Variants in GLRB observed in about 807,000 individuals in gnomAD.
GLRB encodes glycine receptor beta.
Under a neutral mutation model 54.2 loss-of-function variants are expected in GLRB, and 33 were observed. The ratio of observed to expected loss-of-function variants is 0.61; its 90% CI spans 0.46 to 0.81. GLRB has a LOEUF of 0.81. Among genes scored for constraint, GLRB ranks in the 40% least tolerant of loss-of-function variants. The probability of loss-of-function intolerance (pLI) is 0.00; values close to 1 mark genes in which losing one functional copy is unlikely to be tolerated. For missense variants in GLRB, 572 were observed against 584.6 expected (o/e 0.98, Z 0.22); for synonymous variants, 209 against 208.2 (o/e 1.00, Z -0.03).
intron 2 of GLRB, among the ~76,000 whole-genome samples, chr4:157,094,438 T>G (rs1273332184): frequency 6.6e-6 from 1 of 152,236 alleles, no homozygotes; most frequent in Non-Finnish European, 1.5e-5. Flanking sequence ...TTTATTTTTC[T>G]GTTTTGCTCT....
chr4:157,144,670 C>G (rs532772103), intron 8 of GLRB, among the ~76,000 whole-genome samples: 16 of 152,202 alleles, frequency 1.1e-4, no homozygotes, highest in Non-Finnish European at 2.1e-4. Flanking sequence ...TACTGTGTGT[C>G]TGTGTGTTTT....
chr4:157,160,735 G>C (rs1286373643), intron 9 of GLRB, among the ~76,000 whole-genome samples: 8 of 152,030 alleles, frequency 5.3e-5, no homozygotes, highest in Non-Finnish European at 1.2e-4. Context: ...ATTTGCTGAG[G>C]AGTGCTTTAC....
intron 2 of GLRB, among the ~76,000 whole-genome samples, chr4:157,107,890 G>C (rs1735282115): frequency 6.6e-6 from 1 of 151,974 alleles, no homozygotes; most frequent in Non-Finnish European, 1.5e-5. Context: ...TCTTGTTAAG[G>C]GCTAATGCAA....
At chr4:157,131,244 G>GT (rs1419723702) in intron 4 of GLRB, among the ~76,000 whole-genome samples, 1 of 151,520 alleles carries the variant, frequency 6.6e-6, no homozygotes, top group Non-Finnish European at 1.5e-5. Context: ...AACTTGGGAT[G>GT]TTTTTTCTTA....
chr4:157,158,475 T>A (rs1310242590), intron 9 of GLRB, among the ~76,000 whole-genome samples: 1 of 152,254 alleles, frequency 6.6e-6, no homozygotes, highest in African/African-American at 2.4e-5. Context: ...GTCTAACATT[T>A]AAGTCTTTAA....
chr4:157,167,544 CT>C (rs1459229256), intron 9 of GLRB, among the ~76,000 whole-genome samples: 1 of 152,116 alleles, frequency 6.6e-6, no homozygotes, highest in Non-Finnish European at 1.5e-5. Context: ...TGAAAGTAGT[CT>C]TTTAAAAATT....
Position 157,170,594 on chromosome 4 carries a change from A to G in GLRB, c.1360A>G (p.Lys454Glu), listed in dbSNP as rs1162328674. The change falls in exon 10 of 10, where the codon AAG becomes GAG. Residue 454 changes from lysine to glutamate, a missense_variant. Transcript: ENST00000264428. ...VNNGLGKSQA[K>E]NNKKPPPAKP... ...CAACGGACTTGGGAAATCTCAGGCT[A>G]AGAACAACAAGAAGCCTCCCCCTGC... The G allele has an allele frequency of 6.2e-7, 1 of 1,613,502 alleles. No individual in the cohort carries two copies. Among genetic ancestry groups the G allele is most frequent in the Non-Finnish European group, 8.5e-7 (1 of 1,179,532 alleles).
At chr4:157,094,815 A>C (rs1734744774) in intron 2 of GLRB, among the ~76,000 whole-genome samples, 1 of 152,340 alleles carries the variant, frequency 6.6e-6, no homozygotes, top group Non-Finnish European at 1.5e-5. Context: ...GCTAAAACTG[A>C]AAATCCATAT....
intron 2 of GLRB, among the ~76,000 whole-genome samples, chr4:157,085,182 A>G (rs76760374): frequency 0.046 from 7,064 of 152,248 alleles, 170 homozygotes; most frequent in African/African-American, 0.07. Context: ...ATTCTCTTAA[A>G]ATGATCTCCT....
At chr4:157,123,887 T>C (rs980004372) in intron 4 of GLRB, among the ~76,000 whole-genome samples, 2 of 151,728 alleles carry the variant, frequency 1.3e-5, no homozygotes, top group Admixed American at 1.3e-4. Context: ...TGCATGCCCC[T>C]GTGATCAGAT....
intron 2 of GLRB, among the ~76,000 whole-genome samples, chr4:157,107,530 T>C (rs1735269962): frequency 6.6e-6 from 1 of 152,110 alleles, no homozygotes; most frequent in South Asian, 2.1e-4. Flanking sequence ...ACCTATGACA[T>C]TCCCTTAAGC....
rs186410288 is a variant in GLRB, at chr4:157,083,277, A to T, written c.122+5131A>T. On this transcript the variant is annotated intron_variant, in intron 2 of 9. Coordinates refer to ENST00000264428, the MANE Select transcript of GLRB (RefSeq NM_000824.5). ...ACTGAGATACTTGAAAATTGTCTCC[A>T]AAGTTTTAAAAAACTGTGATGGTGA... is the stretch of plus-strand genomic sequence containing the variant. Among the ~76,000 whole-genome samples the T allele has an allele frequency of 2.6e-5, 4 of 152,242 alleles. No individual in the cohort carries two copies. In the East Asian group the frequency reaches 5.8e-4, roughly 22 times the overall value.
At chr4:157,093,421 T>C (rs1315107249) in intron 2 of GLRB, among the ~76,000 whole-genome samples, 1 of 152,084 alleles carries the variant, frequency 6.6e-6, no homozygotes, top group Admixed American at 6.5e-5. Flanking sequence ...TCACAAACAC[T>C]TGGCTAAAAA....
chr4:157,171,460 C>T lies in GLRB; in HGVS notation c.*732C>T, dbSNP rs1737919619. On this transcript the variant is annotated 3_prime_UTR_variant, in exon 10 of 10. Coordinates refer to ENST00000264428, the MANE Select transcript of GLRB (RefSeq NM_000824.5). Reference sequence around the variant, plus strand: ...TAGGATAAACAAAATTCTATTTAATCCACCTTAAAACCTAAATGTATTTTC... The same window carrying T: ...TAGGATAAACAAAATTCTATTTAATTCACCTTAAAACCTAAATGTATTTTC... 1 of 152,178 alleles carries T rather than the reference C, an allele frequency of 6.6e-6. No individual in the cohort carries two copies. Among genetic ancestry groups the T allele is most frequent in the South Asian group, 2.1e-4 (1 of 4,826 alleles). The allele number at this position is 152,178 out of a possible 1,614,324, so 9.4% of individuals were successfully genotyped here. A position where few individuals can be genotyped will look rare whatever the true frequency, so the allele number is the denominator to read the frequency against.
intron 7 of GLRB, 121 bp from the exon 8 acceptor site, chr4:157,143,686 G>A (rs1431697508): frequency 1.0e-6 from 1 of 961,140 alleles, no homozygotes. Context: ...TTTTTTTTGA[G>A]GCATTTCCTC....
intron 8 of GLRB, among the ~76,000 whole-genome samples, chr4:157,150,070 T>C (rs1448196621): frequency 6.6e-6 from 1 of 152,086 alleles, no homozygotes; most frequent in Admixed American, 6.6e-5. Flanking sequence ...CATTATACAA[T>C]TCTGTCTCCA....
intron 2 of GLRB, among the ~76,000 whole-genome samples, chr4:157,116,965 G>A (rs1735630357): frequency 6.6e-6 from 1 of 151,578 alleles, no homozygotes; most frequent in South Asian, 2.1e-4. Flanking sequence ...TTTTTTTGTT[G>A]TTGTTTGTTT....
intron 2 of GLRB, among the ~76,000 whole-genome samples, chr4:157,115,258 T>TC (rs1398483187): frequency 6.6e-6 from 1 of 151,024 alleles, no homozygotes; most frequent in Non-Finnish European, 1.5e-5. Flanking sequence ...GGTGTTTTTT[T>TC]TTTTTTTTTT....
intron 9 of GLRB, among the ~76,000 whole-genome samples, chr4:157,160,530 T>G (rs137910254): frequency 0.028 from 4,272 of 152,164 alleles, 192 homozygotes; most frequent in African/African-American, 0.098. Context: ...TGGTATGTTG[T>G]GTCTTTGTTC....
Sources: allele counts gnomAD v4.1 joint callset (sites outside exome capture counted in the v4.1 genomes callset), GRCh38; gene constraint gnomAD v4.1.1; transcripts MANE v1.5; gene names NCBI Gene and HGNC (gene_info 2026-07-23, HGNC 2026-07-21).